Variants in MMAB observed in about 807,000 individuals in gnomAD.
MMAB encodes metabolism of cobalamin associated B.
A neutral mutation model predicts 30.6 loss-of-function variants in MMAB; 17 were observed. The ratio of observed to expected loss-of-function variants is 0.56; its 90% CI spans 0.38 to 0.83. The LOEUF (loss-of-function observed/expected upper bound fraction) is 0.83, where lower values mean the gene tolerates loss of function less well. MMAB is among the 40% of genes least tolerant of loss of function. The pLI is 0.00. For missense variants in MMAB, 311 were observed against 331.6 expected (o/e 0.94, Z 0.48); for synonymous variants, 134 against 138.6 (o/e 0.97, Z 0.23).
At chr12:109,562,827 C>T (rs1169712614) in intron 4 of MMAB, among the ~76,000 whole-genome samples, 1 of 152,136 alleles carries the variant, frequency 6.6e-6, no homozygotes, top group Non-Finnish European at 1.5e-5. Flanking sequence ...TTGCTTGGAA[C>T]AGAAGTGGTC....
rs749891875 is a variant in MMAB, at chr12:109,555,287, T to TG, written c.*1740_*1741insC. 1.5e-4 allele frequency: 56 copies of TG among 366,380 alleles called. 1 individual carries two copies. Among genetic ancestry groups the TG allele is most frequent in the African/African-American group, 1.3e-3 (46 of 36,694 alleles). The allele number at this position is 366,380 out of a possible 1,614,324, so 22.7% of individuals were successfully genotyped here. A position where few individuals can be genotyped will look rare whatever the true frequency, so the allele number is the denominator to read the frequency against. On this transcript the variant is annotated 3_prime_UTR_variant, in exon 9 of 9. Transcript: ENST00000545712. Reference sequence around the variant, plus strand: ...TTGCGTTTTCAGGGTTTTTTTTTTTTTTTTTTTTTTTTTGTGACGGAGTCT... The same window carrying TG: ...TTGCGTTTTCAGGGTTTTTTTTTTTTGTTTTTTTTTTTTTGTGACGGAGTCT...
At position 109,573,503 on chromosome 12, in the gene MMAB, C is replaced by G. The variant is rs1884753030; in HGVS notation, c.-23G>C. The G allele has an allele frequency of 6.3e-7, 1 of 1,586,818 alleles. No homozygotes were observed. Among genetic ancestry groups the G allele is most frequent in the Admixed American group, 1.7e-5 (1 of 57,390 alleles). On this transcript the variant is annotated 5_prime_UTR_variant, in exon 1 of 9. Transcript: ENST00000545712. ...CATGAGCCAGGCTGCTTGACGGGACCTGACCCCGCCAGGTTCCCGTCCAGT... is the reference window on the plus strand; with the variant it reads ...CATGAGCCAGGCTGCTTGACGGGACGTGACCCCGCCAGGTTCCCGTCCAGT...
chr12:109,560,977 C>CT, intron 7 of MMAB, 63 bp downstream of exon 7: 1 of 546,858 alleles, frequency 1.8e-6, no homozygotes, highest in Admixed American at 2.4e-5. Flanking sequence ...CCCTCTCCCT[C>CT]CCCCCTCCCC....
In MMAB at chr12:109,555,758, A is replaced by C. The variant is rs1303397461; in HGVS notation, c.*1270T>G. 2.2e-6 allele frequency: 1 copy of C among 453,956 alleles called. No individual in the cohort carries two copies. Among genetic ancestry groups the C allele is most frequent in the Non-Finnish European group, 4.4e-6 (1 of 226,794 alleles). 28.1% of individuals were successfully genotyped at this position (453,956 alleles called of 1,614,324 possible). On this transcript the variant is annotated 3_prime_UTR_variant, in exon 9 of 9. Coordinates refer to ENST00000545712, the MANE Select transcript of MMAB (RefSeq NM_052845.4). ...TCAGCAATGAAAGGACCCAGAAGAC[A>C]CAAGTGAATATACCTGGCCCTCCTG...
chr12:109,560,944 TCTCCCCATCTCC>T, intron 7 of MMAB, 84 bp downstream of exon 7: 1 of 1,164,504 alleles, frequency 8.6e-7, no homozygotes, highest in Non-Finnish European at 1.2e-6. Context: ...CCCCTCTCCC[TCTCCCCATCTCC>T]GTCCTCCTCT....
intron 1 of MMAB, among the ~76,000 whole-genome samples, chr12:109,572,123 T>C (rs1002153446): frequency 3.3e-5 from 5 of 152,192 alleles, no homozygotes; most frequent in African/African-American, 1.2e-4. Context: ...GAGGAAACTA[T>C]GGCTCAGATG....
rs150895111 is a variant in MMAB, at chr12:109,573,402, G to T, written c.79C>A (p.Leu27Ile). Residue 27 changes from leucine to isoleucine, a missense_variant, in exon 1 of 9, where the codon CTC (leucine) becomes ATC (isoleucine). By Grantham distance (5) the Leu-to-Ile change is conservative. Transcript: ENST00000545712. Reference protein sequence around the residue: ...GLRGCFGAARLLYPRFQSRGP... With the variant: ...GLRGCFGAARILYPRFQSRGP... The stretch of plus-strand genomic sequence containing the variant: ...CGGCTCTGGAAACGGGGATACAGGA[G>T]CCTGGCGGCGCCGAAGCACCCGCGC... 4.3e-6 allele frequency: 7 copies of T among 1,611,132 alleles called. No individual in the cohort carries two copies. The highest frequency in any genetic ancestry group is 5.9e-6 in the Non-Finnish European group (7 of 1,179,402).
At position 109,556,161 on chromosome 12, in the gene MMAB, G is replaced by A. The variant is rs1411562189; in HGVS notation, c.*867C>T. ...AGCAGTGACAACTGAAATAAATACA[G>A]CCGTGGCACCGATCTCAGAGGCATA... On this transcript the variant is annotated 3_prime_UTR_variant, in exon 9 of 9. Transcript: ENST00000545712. The A allele has an allele frequency of 2.2e-6, 1 of 453,704 alleles. No individual in the cohort carries two copies. Among genetic ancestry groups the A allele is most frequent in the Non-Finnish European group, 4.4e-6 (1 of 226,442 alleles). 28.1% of individuals were successfully genotyped at this position (453,704 alleles called of 1,614,324 possible).
At chr12:109,557,459 C>T (rs903048035) in intron 8 of MMAB, among the ~76,000 whole-genome samples, 6 of 152,326 alleles carry the variant, frequency 3.9e-5, no homozygotes, top group Admixed American at 2.0e-4. Flanking sequence ...GTGATCAGGG[C>T]TCAGGTGCGT....
In MMAB at chr12:109,557,103, A is replaced by G. The variant is rs111678627; in HGVS notation, c.678T>C (p.Tyr226=). The G allele has an allele frequency of 9.3e-5, 150 of 1,613,636 alleles. No individual in the cohort carries two copies. The highest frequency in any genetic ancestry group is 1.6e-4 in the African/African-American group (12 of 74,926). The change falls in exon 9 of 9, where the codon TAT becomes TAC. Residue 226 remains tyrosine (Y), a synonymous_variant. Coordinates refer to ENST00000545712, the MANE Select transcript of MMAB (RefSeq NM_052845.4). ...LSDYLFTLAR[Y]AAMKEGNQEK... Reference sequence around the variant, plus strand: ...CTTGATTCCCCTCCTTCATGGCTGCATATCTGGCTAGCGTGAAGAGATAGT... The same window carrying G: ...CTTGATTCCCCTCCTTCATGGCTGCGTATCTGGCTAGCGTGAAGAGATAGT...
rs1566129952 is a variant in MMAB, at chr12:109,557,078, CTT to C, written c.701_702del (p.Gln234ArgfsTer8). 1.7e-5 allele frequency: 27 copies of C among 1,613,880 alleles called. No individual in the cohort carries two copies. The highest frequency in any genetic ancestry group is 2.2e-5 in the Non-Finnish European group (26 of 1,179,824). On this transcript the variant is annotated frameshift_variant, in exon 9 of 9. Coordinates refer to ENST00000545712, the MANE Select transcript of MMAB (RefSeq NM_052845.4). LOFTEE classifies it low-confidence loss of function (END_TRUNC). ...ARYAAMKEGN[Q>X]EKIYMKNDPS... ...GGGTCATTTTTCATGTATATTTTCT[CTT>C]GATTCCCCTCCTTCATGGCTGCATA...
At chr12:109,557,693 A>G (rs1884028459) in intron 8 of MMAB, among the ~76,000 whole-genome samples, 1 of 152,276 alleles carries the variant, frequency 6.6e-6, no homozygotes, top group Middle Eastern at 3.4e-3. Flanking sequence ...GCAGTGTAGG[A>G]TGCTGACAGC....
chr12:109,567,106 G>T (rs182795484), intron 3 of MMAB: 12 of 452,512 alleles, frequency 2.7e-5, no homozygotes, highest in Middle Eastern at 4.5e-4. Context: ...GGAGGCAGAG[G>T]TTGCAGTGAG....
chr12:109,559,100 T>G lies in MMAB; in HGVS notation c.640A>C (p.Asn214His). ...ETDANVAKFLNRLSDYLFTLA... is the reference protein window; with the variant it reads ...ETDANVAKFLHRLSDYLFTLA... ...CCCCAGGTTCCACGCGAGTACCTGT[T>G]TAAGAACTTGGCCACGTTCGCATCG... Residue 214 changes from asparagine (N) to histidine (H), a missense_variant, in exon 8 of 9, where the codon AAC becomes CAC. Asn to His is a moderately conservative substitution (Grantham distance 68, BLOSUM62 1). Transcript: ENST00000545712. 6.2e-7 allele frequency: 1 copy of G among 1,613,514 alleles called. No individual in the cohort carries two copies. The highest frequency in any genetic ancestry group is 8.5e-7 in the Non-Finnish European group (1 of 1,179,662).
In MMAB at chr12:109,561,236, C is replaced by T. The variant is rs758838976; in HGVS notation, c.520-132G>A. On this transcript the variant is annotated intron_variant, in intron 6 of 8. Coordinates refer to ENST00000545712, the MANE Select transcript of MMAB (RefSeq NM_052845.4). This position sits in a 1 kb window ranked among gnomAD's most constrained non-coding sequence, Gnocchi z 5.3. ...TGCCTCCAGGAGCCCTGCCACGGCA[C>T]ACCCACCGGGCACGCTGCTCCAGAG... The T allele has an allele frequency of 5.0e-6, 8 of 1,593,288 alleles. No individual in the cohort carries two copies. Among genetic ancestry groups the T allele is most frequent in the Middle Eastern group, 3.3e-4 (2 of 6,078 alleles).
At position 109,561,180 on chromosome 12, in the gene MMAB, C is replaced by T; in HGVS notation, c.520-76G>A. 1 of 1,596,050 alleles carries T rather than the reference C, an allele frequency of 6.3e-7. No individual in the cohort carries two copies. The highest frequency in any genetic ancestry group is 8.5e-7 in the Non-Finnish European group (1 of 1,176,170). The stretch of plus-strand genomic sequence containing the variant: ...CTGCGGACAGGAGCTCCTCTGAAGT[C>T]CAGCCCTGCCCCCCAAACCGGGCAG... On this transcript the variant is annotated intron_variant, in intron 6 of 8. Transcript: ENST00000545712. This position sits in a 1 kb window ranked among gnomAD's most constrained non-coding sequence, Gnocchi z 5.3.
At chr12:109,559,307 C>T in intron 7 of MMAB, 152 bp from the exon 8 acceptor site, 1 of 708,386 alleles carries the variant, frequency 1.4e-6, no homozygotes, top group Non-Finnish European at 2.6e-6. Context: ...AAATCCATCA[C>T]AGGTGGGTTT....
At chr12:109,565,765 A>G (rs1225812570) in intron 3 of MMAB, among the ~76,000 whole-genome samples, 2 of 152,204 alleles carry the variant, frequency 1.3e-5, no homozygotes, top group Non-Finnish European at 1.5e-5. Context: ...GACCTTGGCT[A>G]GAGAGGCAGG....
Position 109,556,648 on chromosome 12 carries a change from T to TCTCTCTCTCA in MMAB, c.*379_*380insTGAGAGAGAG, listed in dbSNP as rs1555273916. ...GAGCTGGCAGTGGGAGGGCTCTCTC[T>TCTCTCTCTCA]CACACACACACACACACACACACAC... On this transcript the variant is annotated 3_prime_UTR_variant, in exon 9 of 9. Coordinates refer to ENST00000545712, the MANE Select transcript of MMAB (RefSeq NM_052845.4). 718 of 328,248 alleles carry TCTCTCTCTCA rather than the reference T, an allele frequency of 2.2e-3. 4 individuals carry two copies. Among genetic ancestry groups the TCTCTCTCTCA allele is most frequent in the African/African-American group, 0.012 (400 of 34,024 alleles). 20.3% of individuals were successfully genotyped at this position (328,248 alleles called of 1,614,324 possible). A position where few individuals can be genotyped will look rare whatever the true frequency, so the allele number is the denominator to read the frequency against.
Sources: gnomAD v4.1 joint callset for allele counts (sites outside exome capture counted in the v4.1 genomes callset) on GRCh38, gnomAD v4.1.1 for gene constraint, Gnocchi (gnomAD v3.1) non-coding constraint, MANE v1.5 for transcripts, NCBI Gene and HGNC (gene_info 2026-07-23, HGNC 2026-07-21) for gene names.